The following GREB1L variants were observed in gnomAD, a reference collection of about 807,000 sequenced individuals.
GREB1L encodes GREB1-like protein.
GREB1L carries 17 observed loss-of-function variants against 200.8 expected under a neutral mutation model. That is an observed-to-expected ratio of 0.08 (90% CI 0.06 to 0.13). The LOEUF (loss-of-function observed/expected upper bound fraction) is 0.13, where lower values mean the gene tolerates loss of function less well. GREB1L is among the 10% of genes least tolerant of loss of function. GREB1L has a pLI of 1.00. For missense variants in GREB1L, 1,657 were observed against 2,367.7 expected, an observed-to-expected ratio of 0.70 and a Z score of 6.23; for synonymous variants, 789 against 893.0, an observed-to-expected ratio of 0.88 and a Z score of 2.08.
Position 21,428,710 on chromosome 18 carries a change from CTTTTTTT to C in GREB1L, c.833-10794_833-10788del, listed in dbSNP as rs747598415. On this transcript the variant is annotated intron_variant, in intron 7 of 32. Coordinates refer to ENST00000424526, the MANE Select transcript of GREB1L (RefSeq NM_001142966.3). ...GCAATGGCATGATCGCGGTTTATCT[CTTTTTTT>C]TTTTTTTTTTTTTTTTGAGACGGAG... Among the ~76,000 whole-genome samples the C allele has an allele frequency of 6.0e-5, 3 of 49,946 alleles. 1 individual carries two copies. In the East Asian group the frequency reaches 2.0e-3, roughly 33 times the overall value. 32.8% of individuals were successfully genotyped at this position (49,946 alleles called of 152,430 possible). A position where few individuals can be genotyped will look rare whatever the true frequency, so the allele number is the denominator to read the frequency against.
At chr18:21,268,574 T>C (rs1266328676) in intron 1 of GREB1L, among the ~76,000 whole-genome samples, 332 of 124,772 alleles carry the variant, frequency 2.7e-3, no homozygotes, top group East Asian at 8.1e-3. Context: ...TATATATATA[T>C]ATATATATAT....
intron 7 of GREB1L, among the ~76,000 whole-genome samples, chr18:21,417,428 C>T (rs1219844075): frequency 6.6e-6 from 1 of 151,964 alleles, no homozygotes; most frequent in South Asian, 2.1e-4. Flanking sequence ...GCACGAGAAT[C>T]GCTTTAACCC....
chr18:21,511,013 T>C (rs1040311600), intron 27 of GREB1L, among the ~76,000 whole-genome samples: 1 of 152,216 alleles, frequency 6.6e-6, no homozygotes, highest in African/African-American at 2.4e-5. Flanking sequence ...TTTGTTGTTG[T>C]TGAGTTGTAG....
At chr18:21,399,132 G>T (rs2041204483) in intron 5 of GREB1L, among the ~76,000 whole-genome samples, 1 of 152,182 alleles carries the variant, frequency 6.6e-6, no homozygotes, top group South Asian at 2.1e-4. Flanking sequence ...AACCTCAGTA[G>T]TTTGTTAATT....
chr18:21,394,380 T>C (rs1283005781), intron 4 of GREB1L, among the ~76,000 whole-genome samples: 3 of 152,228 alleles, frequency 2.0e-5, no homozygotes, highest in Non-Finnish European at 2.9e-5. Context: ...CCTATAACAC[T>C]GTCTGTGATT....
rs959525889 is a variant in GREB1L at position 21,518,138 on chromosome 18, C to G, written c.5376C>G (p.Phe1792Leu). 3.2e-6 allele frequency: 5 copies of G among 1,551,516 alleles called. No individual in the cohort carries two copies. The African/African-American group carries it at 6.8e-5, about 21-fold the overall frequency. ...CTGCACAGTTTCTCCTGGAGAAATT[C>G]CTTCAGCACGCCTCATATAAACTCT... Reference protein sequence around the residue: ...AAPAQFLLEKFLQHASYKLFP... With the variant: ...AAPAQFLLEKLLQHASYKLFP... Residue 1792 changes from phenylalanine to leucine, a missense_variant, in exon 31 of 33, where the codon TTC (phenylalanine) becomes TTG (leucine). Phe to Leu is a conservative substitution (Grantham distance 22). Transcript: ENST00000424526.
At position 21,449,646 on chromosome 18, in the gene GREB1L, T is replaced by A. The variant is rs1183211764; in HGVS notation, c.1530T>A (p.Leu510=). ...TGTCACCAGGACAACTCCCCTGGCT[T>A]GCTAGATTAATTGCCAGCGTATCTC... is the stretch of plus-strand genomic sequence containing the variant. ...VPVSPGQLPW[L]ARLIASVSQD... Residue 510 remains leucine (L), a synonymous_variant, in exon 12 of 33, where the codon CTT becomes CTA. Coordinates refer to ENST00000424526, the MANE Select transcript of GREB1L (RefSeq NM_001142966.3). 1 of 1,551,680 alleles carries A rather than the reference T, an allele frequency of 6.4e-7. No individual in the cohort carries two copies. Among genetic ancestry groups the A allele is most frequent in the East Asian group, 2.4e-5 (1 of 40,918 alleles).
intron 7 of GREB1L, among the ~76,000 whole-genome samples, chr18:21,414,729 G>C (rs2031453148): frequency 6.6e-6 from 1 of 152,102 alleles, no homozygotes; most frequent in Admixed American, 6.6e-5. Flanking sequence ...GGGGTAGTAG[G>C]AACAGGAAAA....
chr18:21,473,404 T>C (rs908075773), intron 16 of GREB1L, among the ~76,000 whole-genome samples, 193 bp downstream of exon 16: 2 of 151,980 alleles, frequency 1.3e-5, no homozygotes, highest in Non-Finnish European at 2.9e-5. Flanking sequence ...ACCCCATCTC[T>C]GCTAAAAATA....
chr18:21,402,933 TA>T (rs2041378830), intron 6 of GREB1L, among the ~76,000 whole-genome samples: 2 of 151,506 alleles, frequency 1.3e-5, no homozygotes, highest in East Asian at 3.9e-4. Flanking sequence ...TATACACATA[TA>T]ATATCAATAT....
chr18:21,438,782 C>T (rs1269491362), intron 7 of GREB1L, among the ~76,000 whole-genome samples: 1 of 151,130 alleles, frequency 6.6e-6, no homozygotes, highest in Non-Finnish European at 1.5e-5. Flanking sequence ...CACGGTGAAA[C>T]CCCATCTCTA....
chr18:21,376,034 G>C (rs1159880028), intron 2 of GREB1L, among the ~76,000 whole-genome samples: 2 of 152,048 alleles, frequency 1.3e-5, no homozygotes, highest in Non-Finnish European at 2.9e-5. Context: ...TGAAATCAAT[G>C]CTTTAATTCT....
chr18:21,257,957 G>A (rs557997272), intron 1 of GREB1L, among the ~76,000 whole-genome samples: 2 of 152,186 alleles, frequency 1.3e-5, no homozygotes, highest in African/African-American at 4.8e-5. Flanking sequence ...TAAGGCTTAG[G>A]TAAATTTCAC....
At chr18:21,472,371 G>C (rs1326185927) in intron 15 of GREB1L, among the ~76,000 whole-genome samples, 1 of 152,174 alleles carries the variant, frequency 6.6e-6, no homozygotes, top group African/African-American at 2.4e-5. Flanking sequence ...TATAGACAGA[G>C]ATAATGATAC....
chr18:21,473,057 GA>G lies in GREB1L; in HGVS notation c.2213del (p.Asn738MetfsTer15). The G allele has an allele frequency of 6.5e-7, 1 of 1,543,528 alleles. No homozygotes were observed. ...TGTCCTTGTAGACTTGGGTCTGGAG[GA>G]AAATGGGACAGCCCATCAGAGAGCA... ...SGVLVDLGLE[E>X]NGTAHQRAEK... On this transcript the variant is annotated frameshift_variant, in exon 16 of 33. Coordinates refer to ENST00000424526, the MANE Select transcript of GREB1L (RefSeq NM_001142966.3). LOFTEE classifies it high-confidence loss of function.
chr18:21,296,694 G>T (rs571358686), intron 1 of GREB1L, among the ~76,000 whole-genome samples: 84 of 148,258 alleles, frequency 5.7e-4, no homozygotes, highest in African/African-American at 1.9e-3. Flanking sequence ...TCACTTGGTT[G>T]CCCAGGCTGG....
chr18:21,485,873 C>A, intron 18 of GREB1L, 120 bp downstream of exon 18: 2 of 881,994 alleles, frequency 2.3e-6, no homozygotes, highest in Non-Finnish European at 3.4e-6. Flanking sequence ...AGATGACGTG[C>A]AAAGGCCAAA....
chr18:21,391,935 G>A (rs1041417038), intron 4 of GREB1L, among the ~76,000 whole-genome samples: 3 of 151,942 alleles, frequency 2.0e-5, no homozygotes, highest in Admixed American at 6.6e-5. Context: ...TCAGCCTCCC[G>A]AGTGCCTGGG....
intron 15 of GREB1L, among the ~76,000 whole-genome samples, chr18:21,472,156 G>A (rs1001058115): frequency 8.5e-5 from 13 of 152,108 alleles, no homozygotes; most frequent in African/African-American, 3.1e-4. Flanking sequence ...GTTTAGGCCT[G>A]TTAGTATTAC....
Sources: allele counts gnomAD v4.1 joint callset (sites outside exome capture counted in the v4.1 genomes callset), GRCh38; gene constraint gnomAD v4.1.1; transcripts MANE v1.5; gene names NCBI Gene and HGNC (gene_info 2026-07-23, HGNC 2026-07-21).